Variants in PCDHA8 observed in about 807,000 individuals in gnomAD.
PCDHA8 encodes the protein protocadherin alpha 8.
A neutral mutation model predicts 61.8 loss-of-function variants in PCDHA8; 53 were observed. The observed-to-expected ratio is 0.86, with a 90% CI of 0.69 to 1.08. The LOEUF (loss-of-function observed/expected upper bound fraction) is 1.08, where lower values mean the gene tolerates loss of function less well. PCDHA8 is among the 50% of genes least tolerant of loss of function. The probability of loss-of-function intolerance (pLI) is 0.00; values close to 1 mark genes in which losing one functional copy is unlikely to be tolerated. For missense variants in PCDHA8, 1,293 were observed against 1,245.0 expected (o/e 1.04, Z -0.58); for synonymous variants, 618 against 556.6 (o/e 1.11, Z -1.55).
At chr5:140,850,803 A>G in intron 1 of PCDHA8, 4 of 1,598,380 alleles carry the variant, frequency 2.5e-6, no homozygotes, top group Non-Finnish European at 3.4e-6. Context: ...GACCGACCTC[A>G]TGGCCTTCAG....
intron 1 of PCDHA8, chr5:140,882,138 T>C: frequency 6.7e-7 from 1 of 1,489,248 alleles, no homozygotes; most frequent in South Asian, 1.4e-5. Context: ...CTGCAGAAAA[T>C]ATAGCAGAAA....
intron 1 of PCDHA8, chr5:140,966,939 TG>T: frequency 1.2e-6 from 2 of 1,604,434 alleles, no homozygotes; most frequent in Non-Finnish European, 1.7e-6. Flanking sequence ...GGCGCGCTCG[TG>T]GGCAACGTGG....
chr5:140,897,199 A>G (rs760377746), intron 1 of PCDHA8, among the ~76,000 whole-genome samples: 1 of 152,030 alleles, frequency 6.6e-6, no homozygotes, highest in Admixed American at 6.6e-5. Flanking sequence ...TTTTTTTATT[A>G]TACTTTAAGT....
At chr5:140,876,308 A>T in intron 1 of PCDHA8, 1 of 1,614,070 alleles carries the variant, frequency 6.2e-7, no homozygotes, top group South Asian at 1.1e-5. Context: ...GAAATTTCCT[A>T]TGGGATCAAA....
In PCDHA8 at chr5:140,842,475, T is replaced by A; in HGVS notation, c.1154T>A (p.Val385Glu). ...NDLDSGANGQ[V>E]TCSLMPHVPF... ...CTCGATTCAGGTGCCAACGGGCAGG[T>A]GACCTGCTCCCTGATGCCCCATGTC... The change falls in exon 1 of 4, where the codon GTG becomes GAG. Residue 385 changes from valine to glutamate, a missense_variant. Physicochemically the swap from Val to Glu is moderately radical, Grantham distance 121. Transcript: ENST00000531613. 2.5e-6 allele frequency: 4 copies of A among 1,613,948 alleles called. No individual in the cohort carries two copies. Among genetic ancestry groups the A allele is most frequent in the Non-Finnish European group, 2.5e-6 (3 of 1,179,862 alleles).
chr5:140,983,526 A>G (rs1421450953), intron 3 of PCDHA8, among the ~76,000 whole-genome samples: 3 of 152,230 alleles, frequency 2.0e-5, no homozygotes, highest in Admixed American at 2.0e-4. Flanking sequence ...TGCCAAGTAC[A>G]TTGTATGTGT....
In PCDHA8 at chr5:140,910,096, C is replaced by G. The variant is rs1583731198; in HGVS notation, c.2394+66381C>G. On this transcript the variant is annotated intron_variant, in intron 1 of 3. Coordinates refer to ENST00000531613, the MANE Select transcript of PCDHA8 (RefSeq NM_018911.3). ...ATTGTTGTCAAGGGGAACCAGCCTCCCCTTCATTTAAGGGATTCTAGGTCT... is the reference window on the plus strand; with the variant it reads ...ATTGTTGTCAAGGGGAACCAGCCTCGCCTTCATTTAAGGGATTCTAGGTCT... Among the ~76,000 whole-genome samples the G allele has an allele frequency of 2.6e-5, 4 of 152,262 alleles. No individual in the cohort carries two copies. The East Asian group carries it at 7.7e-4, about 29-fold the overall frequency.
chr5:140,862,497 A>G (rs1337501785), intron 1 of PCDHA8: 1 of 394,588 alleles, frequency 2.5e-6, no homozygotes, highest in Non-Finnish European at 5.1e-6. Flanking sequence ...ATCGCTCGGA[A>G]TGGGGACTCG....
chr5:140,982,014 C>G lies in PCDHA8; in HGVS notation c.2454-461C>G, dbSNP rs546904836. Among the ~76,000 whole-genome samples the G allele has an allele frequency of 3.3e-5, 5 of 152,270 alleles. No individual in the cohort carries two copies. The South Asian group carries it at 1.0e-3, about 32-fold the overall frequency. ...ATAAGGTTAAGAATTAATTAGATAG[C>G]CAAATTGGAACAATACTCCAATTAT... is the stretch of plus-strand genomic sequence containing the variant. On this transcript the variant is annotated intron_variant, in intron 2 of 3. Coordinates refer to ENST00000531613, the MANE Select transcript of PCDHA8 (RefSeq NM_018911.3).
intron 3 of PCDHA8, among the ~76,000 whole-genome samples, chr5:140,994,821 T>C (rs2097651680): frequency 6.6e-6 from 1 of 152,052 alleles, no homozygotes. Flanking sequence ...AAAAACTGAA[T>C]TGTGTAGTCT....
chr5:140,884,967 G>A (rs895578956), intron 1 of PCDHA8, among the ~76,000 whole-genome samples: 2 of 152,134 alleles, frequency 1.3e-5, no homozygotes, highest in African/African-American at 4.8e-5. Context: ...CTCACGTTGT[G>A]AGAACTTAAA....
intron 1 of PCDHA8, chr5:140,877,093 G>T (rs2056846978): frequency 6.2e-7 from 1 of 1,613,178 alleles, no homozygotes; most frequent in African/African-American, 1.3e-5. Context: ...GCGCGACGCC[G>T]GCGTGCCGCC....
At chr5:140,857,543 G>A (rs782244721) in intron 1 of PCDHA8, 2 of 1,597,220 alleles carry the variant, frequency 1.3e-6, no homozygotes, top group Admixed American at 3.4e-5. Context: ...GCGGCGGTTG[G>A]GCGAGCGCTC....
chr5:140,874,295 C>G (rs1395734627), intron 1 of PCDHA8, among the ~76,000 whole-genome samples: 2 of 152,110 alleles, frequency 1.3e-5, no homozygotes, highest in Non-Finnish European at 2.9e-5. Context: ...TCTATGTGTA[C>G]TTGTTCACAA....
chr5:140,856,728 T>A (rs782022822), intron 1 of PCDHA8: 1 of 1,595,848 alleles, frequency 6.3e-7, no homozygotes, highest in Middle Eastern at 1.7e-4. Flanking sequence ...TCTGTTTCTC[T>A]GCTGATCCTG....
chr5:140,883,625 C>G (rs1446947181), intron 1 of PCDHA8: 9 of 1,613,872 alleles, frequency 5.6e-6, no homozygotes, highest in Non-Finnish European at 6.8e-6. Context: ...CGACAACGCG[C>G]CGGCGTTCGC....
At chr5:140,858,220 G>A (rs1271468400) in intron 1 of PCDHA8, 1 of 1,595,980 alleles carries the variant, frequency 6.3e-7, no homozygotes, top group South Asian at 1.1e-5. Context: ...GCTCGGCGGC[G>A]CCCACCGAGG....
intron 1 of PCDHA8, among the ~76,000 whole-genome samples, chr5:140,923,038 T>C (rs529637754): frequency 1.2e-4 from 19 of 152,316 alleles, no homozygotes; most frequent in Admixed American, 1.0e-3. Context: ...TTACTACATG[T>C]ATAGTATTTA....
At chr5:140,920,011 C>T (rs782647025) in intron 1 of PCDHA8, among the ~76,000 whole-genome samples, 2 of 152,088 alleles carry the variant, frequency 1.3e-5, no homozygotes, top group Non-Finnish European at 2.9e-5. Context: ...AAAGGCCATG[C>T]GAAGATGGAG....
Sources: gnomAD v4.1 joint callset for allele counts (sites outside exome capture counted in the v4.1 genomes callset) on GRCh38, gnomAD v4.1.1 for gene constraint, MANE v1.5 for transcripts, NCBI Gene and HGNC (gene_info 2026-07-23, HGNC 2026-07-21) for gene names.